The following NALF1 variants were observed in gnomAD, a reference collection of about 807,000 sequenced individuals.
NALF1 encodes the protein family with sequence similarity 155 member A.
NALF1 carries 3 observed loss-of-function variants against 48.4 expected under a neutral mutation model. The observed-to-expected ratio is 0.06, with a 90% CI of 0.03 to 0.16. The LOEUF (loss-of-function observed/expected upper bound fraction) is 0.16, where lower values mean the gene tolerates loss of function less well. NALF1 is among the 10% of genes least tolerant of loss of function. The probability of loss-of-function intolerance (pLI) is 1.00; values close to 1 mark genes in which losing one functional copy is unlikely to be tolerated. For missense variants in NALF1, 526 were observed against 571.5 expected, an observed-to-expected ratio of 0.92 and a Z score of 0.81; for synonymous variants, 262 against 245.7, an observed-to-expected ratio of 1.07 and a Z score of -0.62.
chr13:107,438,005 T>G (rs1183202852), intron 1 of NALF1, among the ~76,000 whole-genome samples: 6 of 152,236 alleles, frequency 3.9e-5, no homozygotes, highest in Non-Finnish European at 8.8e-5. Context: ...AGTAAAATGT[T>G]AATTATATAA....
intron 1 of NALF1, among the ~76,000 whole-genome samples, chr13:107,851,397 C>A (rs1198780691): frequency 2.0e-5 from 3 of 151,574 alleles, no homozygotes; most frequent in Admixed American, 6.6e-5. Flanking sequence ...CCACTGCAAG[C>A]TATGGAGTGA....
chr13:107,694,024 C>A (rs1378308737), intron 1 of NALF1, among the ~76,000 whole-genome samples: 3 of 152,308 alleles, frequency 2.0e-5, no homozygotes, highest in East Asian at 3.9e-4. Context: ...TAACACCTGA[C>A]TTTGTACTTT....
intron 1 of NALF1, among the ~76,000 whole-genome samples, chr13:107,437,439 C>T (rs573099004): frequency 1.3e-5 from 2 of 152,268 alleles, no homozygotes; most frequent in South Asian, 4.1e-4. Flanking sequence ...TAAGAGAATG[C>T]TTATTGCAGA....
intron 1 of NALF1, among the ~76,000 whole-genome samples, chr13:107,706,918 C>CTT (rs34091754): frequency 0.053 from 5,399 of 101,202 alleles, 537 homozygotes; most frequent in East Asian, 0.29. Context: ...CAAGGGCATT[C>CTT]TTTTTTTTTT....
At chr13:107,849,361 T>C (rs1432855954) in intron 1 of NALF1, among the ~76,000 whole-genome samples, 1 of 152,194 alleles carries the variant, frequency 6.6e-6, no homozygotes, top group Non-Finnish European at 1.5e-5. Context: ...AAAATATTGA[T>C]AGTTCTCTCC....
chr13:107,555,534 A>G (rs1385745666), intron 1 of NALF1, among the ~76,000 whole-genome samples: 1 of 140,464 alleles, frequency 7.1e-6, no homozygotes, highest in Non-Finnish European at 1.5e-5. Context: ...ACCTCAGGTG[A>G]TCTGCCTGCC....
At chr13:107,732,045 G>A (rs574932742) in intron 1 of NALF1, among the ~76,000 whole-genome samples, 76 of 152,182 alleles carry the variant, frequency 5.0e-4, no homozygotes, top group African/African-American at 1.6e-3. Flanking sequence ...CTTAGTCCAC[G>A]TAGGTTATTA....
chr13:107,411,942 C>G (rs80041364), intron 1 of NALF1, among the ~76,000 whole-genome samples: 4,839 of 152,148 alleles, frequency 0.032, 255 homozygotes, highest in African/African-American at 0.11. Context: ...CAAGGTGTGG[C>G]AGTGAGGAGG....
chr13:107,785,275 C>T (rs943070418), intron 1 of NALF1, among the ~76,000 whole-genome samples: 1 of 152,030 alleles, frequency 6.6e-6, no homozygotes. Flanking sequence ...TGTGCTGATT[C>T]CACAAAACCG....
intron 1 of NALF1, among the ~76,000 whole-genome samples, chr13:107,862,960 T>C (rs970206521): frequency 1.3e-5 from 2 of 151,602 alleles, no homozygotes; most frequent in Non-Finnish European, 1.5e-5. Flanking sequence ...TTCTAAAATA[T>C]GTATCCCAAA....
chr13:107,588,920 A>G (rs1054873217), intron 1 of NALF1, among the ~76,000 whole-genome samples: 75 of 152,230 alleles, frequency 4.9e-4, no homozygotes, highest in African/African-American at 1.8e-3. Context: ...GCATTTGAAA[A>G]TGCTGAAATG....
intron 1 of NALF1, among the ~76,000 whole-genome samples, chr13:107,731,206 T>C (rs1418500938): frequency 6.6e-6 from 1 of 152,178 alleles, no homozygotes; most frequent in Non-Finnish European, 1.5e-5. Flanking sequence ...GGAAAGTATC[T>C]CATATCTTCA....
At chr13:107,696,043 T>C (rs1445034425) in intron 1 of NALF1, among the ~76,000 whole-genome samples, 2 of 152,034 alleles carry the variant, frequency 1.3e-5, no homozygotes, top group Non-Finnish European at 2.9e-5. Context: ...ATTACAGCCA[T>C]GCACCACCAC....
chr13:107,486,839 C>G (rs996812066), intron 1 of NALF1, among the ~76,000 whole-genome samples: 2 of 152,106 alleles, frequency 1.3e-5, no homozygotes, highest in East Asian at 3.9e-4. Flanking sequence ...TAACATGATT[C>G]ATGGAGGTAA....
intron 1 of NALF1, among the ~76,000 whole-genome samples, chr13:107,791,782 C>T (rs949948536): frequency 5.3e-5 from 8 of 151,468 alleles, no homozygotes; most frequent in African/African-American, 1.2e-4. Context: ...GATCCCCGCC[C>T]CCCCCCGTCT....
At chr13:107,650,282 G>C (rs1469217803) in intron 1 of NALF1, among the ~76,000 whole-genome samples, 2 of 151,714 alleles carry the variant, frequency 1.3e-5, no homozygotes, top group Non-Finnish European at 2.9e-5. Context: ...CTGGCCTGAA[G>C]GGGGCGAGCG....
At chr13:107,229,135 T>C (rs1880167749) in intron 1 of NALF1, among the ~76,000 whole-genome samples, 1 of 152,120 alleles carries the variant, frequency 6.6e-6, no homozygotes, top group Non-Finnish European at 1.5e-5. Context: ...TAGCAGTATC[T>C]CAGATAAAAT....
chr13:107,638,500 T>A (rs1172029421), intron 1 of NALF1, among the ~76,000 whole-genome samples: 1 of 151,948 alleles, frequency 6.6e-6, no homozygotes, highest in Non-Finnish European at 1.5e-5. Flanking sequence ...GCAGAGGATG[T>A]CCCTGCTTGA....
chr13:107,692,356 G>A (rs1477731594), intron 1 of NALF1, among the ~76,000 whole-genome samples: 3 of 151,464 alleles, frequency 2.0e-5, no homozygotes, highest in African/African-American at 4.9e-5. Flanking sequence ...TTAGTTCTGT[G>A]TGAAAAAAAA....
Sources: allele counts gnomAD v4.1 joint callset (sites outside exome capture counted in the v4.1 genomes callset), GRCh38; gene constraint gnomAD v4.1.1; transcripts MANE v1.5; gene names NCBI Gene and HGNC (gene_info 2026-07-23, HGNC 2026-07-21).